Variants in PKNOX2 observed in about 807,000 individuals in gnomAD.
The protein encoded by PKNOX2 is homeobox protein PKNOX2.
Under a neutral mutation model 53.1 loss-of-function variants are expected in PKNOX2, and 14 were observed. The ratio of observed to expected loss-of-function variants is 0.26; its 90% CI spans 0.17 to 0.41. PKNOX2 has a LOEUF of 0.41. PKNOX2 is among the 10% of genes least tolerant of loss of function. PKNOX2 has a pLI of 1.00. For synonymous variants in PKNOX2, 257 were observed against 242.8 expected (o/e 1.06, Z -0.54); for missense variants, 496 against 602.8 (o/e 0.82, Z 1.85).
In PKNOX2 at chr11:125,370,537, T is replaced by C. The variant is rs540665739; in HGVS notation, c.227+2552T>C. Among the ~76,000 whole-genome samples, 58 of 152,360 alleles carry C rather than the reference T, an allele frequency of 3.8e-4. 2 individuals carry two copies. The South Asian group carries it at 0.011, about 29-fold the overall frequency. ...TTTGCCCAAAGTATGTCTGCAGCTG[T>C]CTGACCTGGAAGAGGGAATCCCAGG... On this transcript the variant is annotated intron_variant, in intron 5 of 12. Transcript: ENST00000298282. This position sits in a 1 kb window ranked among gnomAD's most constrained non-coding sequence, Gnocchi z 4.1.
chr11:125,358,844 G>A (rs1261286639), intron 4 of PKNOX2, among the ~76,000 whole-genome samples: 1 of 152,242 alleles, frequency 6.6e-6, no homozygotes, highest in Non-Finnish European at 1.5e-5. Flanking sequence ...TTTAACATGT[G>A]GGAGTACACT....
intron 4 of PKNOX2, among the ~76,000 whole-genome samples, chr11:125,355,521 A>T (rs1455050864): frequency 6.6e-6 from 1 of 152,072 alleles, no homozygotes; most frequent in Admixed American, 6.6e-5. Flanking sequence ...TTCTACAATG[A>T]TTGCCTAATG....
chr11:125,296,739 G>A (rs976364156), intron 2 of PKNOX2, among the ~76,000 whole-genome samples: 4 of 152,132 alleles, frequency 2.6e-5, no homozygotes, highest in East Asian at 1.9e-4. Flanking sequence ...GGGTTCAAGC[G>A]ATTCTCCTGC....
chr11:125,261,417 G>A (rs1944835188), intron 2 of PKNOX2, among the ~76,000 whole-genome samples: 1 of 152,222 alleles, frequency 6.6e-6, no homozygotes. Context: ...TCAAGTTGAG[G>A]CAATGTGCAA....
intron 1 of PKNOX2, among the ~76,000 whole-genome samples, chr11:125,175,252 GAAGGAA>G (rs1395420445): frequency 1.3e-5 from 1 of 79,966 alleles, no homozygotes; most frequent in African/African-American, 5.0e-5. Context: ...AGGAAGGAAA[GAAGGAA>G]GGAAGGAGGG....
intron 1 of PKNOX2, 95 bp from the exon 2 acceptor site, chr11:125,234,950 C>G (rs1348619810): frequency 6.5e-6 from 1 of 152,704 alleles, no homozygotes; most frequent in Non-Finnish European, 1.5e-5. Flanking sequence ...TTTTCCTGAG[C>G]CAAACCCACC....
At chr11:125,178,016 G>T (rs1955828963) in intron 1 of PKNOX2, among the ~76,000 whole-genome samples, 1 of 152,158 alleles carries the variant, frequency 6.6e-6, no homozygotes, top group Non-Finnish European at 1.5e-5. Context: ...CATTGAGCGA[G>T]GTATTTTAAT....
intron 2 of PKNOX2, among the ~76,000 whole-genome samples, chr11:125,322,250 G>T (rs532122674): frequency 4.6e-5 from 7 of 152,156 alleles, no homozygotes; most frequent in Non-Finnish European, 1.0e-4. Flanking sequence ...AGGAATGGGT[G>T]ATCTGAGGTC....
At chr11:125,258,629 A>G (rs1944594013) in intron 2 of PKNOX2, 1 of 167,882 alleles carries the variant, frequency 6.0e-6, no homozygotes, top group Non-Finnish European at 1.3e-5. Flanking sequence ...TAATGAATAT[A>G]TTTTCATGTT....
At chr11:125,336,007 A>G (rs1261008962) in intron 3 of PKNOX2, among the ~76,000 whole-genome samples, 1 of 152,216 alleles carries the variant, frequency 6.6e-6, no homozygotes, top group Non-Finnish European at 1.5e-5. Context: ...TGTTTTAAAT[A>G]TTGTTCTAAA....
At chr11:125,207,857 A>G (rs1939327552) in intron 1 of PKNOX2, among the ~76,000 whole-genome samples, 1 of 152,060 alleles carries the variant, frequency 6.6e-6, no homozygotes, top group African/African-American at 2.4e-5. Context: ...ATCAGTAAGC[A>G]AAGCTTACCT....
intron 7 of PKNOX2, among the ~76,000 whole-genome samples, chr11:125,404,905 A>G (rs984519148): frequency 1.3e-5 from 2 of 152,232 alleles, no homozygotes; most frequent in Non-Finnish European, 2.9e-5. Context: ...TGTGCCCTGG[A>G]GAGGTCAGGA....
rs77825342 is a variant in PKNOX2, at chr11:125,366,006, A to G, written c.88-1840A>G. 1.6e-3 allele frequency among the ~76,000 whole-genome samples: 250 copies of G among 152,346 alleles called. 1 individual carries two copies. Among genetic ancestry groups the G allele is most frequent in the African/African-American group, 5.9e-3 (245 of 41,584 alleles). ...GAATGAAGGAATGAATCTGGCCCAGATAAGTGTGAAGATTACTGGGTTTTA... is the reference window on the plus strand; with the variant it reads ...GAATGAAGGAATGAATCTGGCCCAGGTAAGTGTGAAGATTACTGGGTTTTA... On this transcript the variant is annotated intron_variant, in intron 4 of 12. Coordinates refer to ENST00000298282, the MANE Select transcript of PKNOX2 (RefSeq NM_001382323.2).
intron 5 of PKNOX2, among the ~76,000 whole-genome samples, chr11:125,383,471 G>C (rs1227265515): frequency 7.2e-6 from 1 of 138,110 alleles, no homozygotes; most frequent in Non-Finnish European, 1.6e-5. Context: ...AAAAAAATTA[G>C]TCAGGCATGA....
intron 3 of PKNOX2, among the ~76,000 whole-genome samples, chr11:125,347,758 T>A (rs964922083): frequency 6.6e-6 from 1 of 152,114 alleles, no homozygotes; most frequent in African/African-American, 2.4e-5. Context: ...AGTGTTGCAA[T>A]AGAATTTTTC....
chr11:125,246,539 C>G (rs1288979971), intron 2 of PKNOX2, among the ~76,000 whole-genome samples: 1 of 152,176 alleles, frequency 6.6e-6, no homozygotes, highest in Non-Finnish European at 1.5e-5. Flanking sequence ...GTGGTCTGGG[C>G]AGGACCACAG....
At chr11:125,428,218 G>C (rs533464637) in intron 10 of PKNOX2, among the ~76,000 whole-genome samples, 111 of 152,234 alleles carry the variant, frequency 7.3e-4, no homozygotes, top group Non-Finnish European at 8.1e-4. Context: ...AGCATGTGGG[G>C]GACTGAGAGA....
chr11:125,390,804 A>G (rs1204971959), intron 6 of PKNOX2, among the ~76,000 whole-genome samples: 2 of 152,342 alleles, frequency 1.3e-5, no homozygotes, highest in Middle Eastern at 3.4e-3. Context: ...GGAGAGTGCC[A>G]GGTTATTGAC....
chr11:125,204,823 C>T (rs1938880324), intron 1 of PKNOX2, among the ~76,000 whole-genome samples: 1 of 152,210 alleles, frequency 6.6e-6, no homozygotes, highest in African/African-American at 2.4e-5. Context: ...CCCTTCCTTA[C>T]CCTGCTCTGA....
Sources: allele counts gnomAD v4.1 joint callset (sites outside exome capture counted in the v4.1 genomes callset), GRCh38; gene constraint gnomAD v4.1.1; non-coding constraint Gnocchi (gnomAD v3.1); transcripts MANE v1.5; gene names NCBI Gene and HGNC (gene_info 2026-07-23, HGNC 2026-07-21).